IGF2BP3: variants seen among roughly 807,000 people sequenced by gnomAD.
IGF2BP3 encodes insulin-like growth factor 2 mRNA-binding protein 3.
In IGF2BP3, 9 loss-of-function variants were observed where a neutral mutation model predicts 73.8. The observed-to-expected ratio is 0.12, with a 90% CI of 0.07 to 0.21. IGF2BP3 has a LOEUF of 0.21. Among genes scored for constraint, IGF2BP3 ranks in the 10% least tolerant of loss-of-function variants. The pLI, the probability that IGF2BP3 is intolerant of heterozygous loss-of-function variation, is 1.00. For synonymous variants in IGF2BP3, 258 were observed against 256.7 expected (o/e 1.01, Z -0.05); for missense variants, 542 against 714.0 (o/e 0.76, Z 2.75).
chr7:23,360,817 T>C (rs944598091), intron 5 of IGF2BP3, among the ~76,000 whole-genome samples: 2 of 152,218 alleles, frequency 1.3e-5, no homozygotes, highest in Admixed American at 1.3e-4. Flanking sequence ...GCTTCCATAG[T>C]TAGCTAACAC....
At chr7:23,343,896 G>C (rs199979945) in intron 8 of IGF2BP3, 43 bp from the exon 9 acceptor site, 19 of 1,590,552 alleles carry the variant, frequency 1.2e-5, no homozygotes, top group East Asian at 9.0e-5. Context: ...ATGAAAATTG[G>C]AGGAAGACAG....
chr7:23,450,367 G>A (rs1788169533), intron 2 of IGF2BP3, among the ~76,000 whole-genome samples: 1 of 152,108 alleles, frequency 6.6e-6, no homozygotes, highest in African/African-American at 2.4e-5. Flanking sequence ...TTGAGTATCT[G>A]GCAGATATTT....
At chr7:23,340,351 C>T (rs1228709404) in intron 10 of IGF2BP3, among the ~76,000 whole-genome samples, 1 of 152,130 alleles carries the variant, frequency 6.6e-6, no homozygotes, top group Non-Finnish European at 1.5e-5. Flanking sequence ...CAGAAACACA[C>T]ACGGCAGGAG....
chr7:23,402,958 T>C (rs1383215941), intron 3 of IGF2BP3, among the ~76,000 whole-genome samples: 1 of 152,188 alleles, frequency 6.6e-6, no homozygotes, highest in African/African-American at 2.4e-5. Flanking sequence ...TACTAATATT[T>C]GATAGTCACA....
At chr7:23,363,956 T>G (rs1785298929) in intron 3 of IGF2BP3, among the ~76,000 whole-genome samples, 1 of 152,194 alleles carries the variant, frequency 6.6e-6, no homozygotes, top group African/African-American at 2.4e-5. Context: ...AAAACAAGGG[T>G]GGCCGGGCAC....
At chr7:23,460,477 G>A (rs578011920) in intron 2 of IGF2BP3, among the ~76,000 whole-genome samples, 73 of 150,108 alleles carry the variant, frequency 4.9e-4, no homozygotes, top group Admixed American at 1.7e-3. Flanking sequence ...GGTTGCAAGT[G>A]AGCCAAGATC....
intron 2 of IGF2BP3, among the ~76,000 whole-genome samples, chr7:23,436,842 C>T (rs985831347): frequency 6.6e-6 from 1 of 152,094 alleles, no homozygotes; most frequent in African/African-American, 2.4e-5. Flanking sequence ...TTGGCTGGGC[C>T]CGGTGGCTCA....
chr7:23,316,650 G>C (rs1344707574), intron 12 of IGF2BP3, among the ~76,000 whole-genome samples: 1 of 148,578 alleles, frequency 6.7e-6, no homozygotes, highest in Non-Finnish European at 1.5e-5. Context: ...AGTCCAGCCT[G>C]GGCGACAGAG....
At chr7:23,365,463 T>C (rs983981052) in intron 3 of IGF2BP3, among the ~76,000 whole-genome samples, 3 of 152,166 alleles carry the variant, frequency 2.0e-5, no homozygotes, top group African/African-American at 4.8e-5. Flanking sequence ...CCTACAATAA[T>C]GTCAAGGCAA....
At chr7:23,408,729 G>C (rs1786924379) in intron 3 of IGF2BP3, among the ~76,000 whole-genome samples, 2 of 152,192 alleles carry the variant, frequency 1.3e-5, no homozygotes, top group African/African-American at 4.8e-5. Context: ...ATTGAAAGCA[G>C]AGTCTCAAAG....
At chr7:23,397,982 C>G (rs11980638) in intron 3 of IGF2BP3, among the ~76,000 whole-genome samples, 7,174 of 152,224 alleles carry the variant, frequency 0.047, 541 homozygotes, top group African/African-American at 0.16. Flanking sequence ...AGAAGACAAT[C>G]TGAGGACAGA....
At chr7:23,449,560 T>TC (rs1788148020) in intron 2 of IGF2BP3, among the ~76,000 whole-genome samples, 1 of 71,834 alleles carries the variant, frequency 1.4e-5, no homozygotes, top group African/African-American at 4.5e-5. Context: ...TTTTCTTTTT[T>TC]TTTTTTTTTT....
rs1392438922 is a variant in IGF2BP3 at position 23,468,337 on chromosome 7, T to A, written c.236+145A>T. ...ATCATCAACACACACACCCCCGCCA[T>A]AAACTTAAAAGCAAGGATTAAAGAC... is the stretch of plus-strand genomic sequence containing the variant. On this transcript the variant is annotated intron_variant, in intron 2 of 14. Transcript: ENST00000258729. 23 of 819,978 alleles carry A rather than the reference T, an allele frequency of 2.8e-5. No homozygotes were observed. In the East Asian group the frequency reaches 5.3e-4, roughly 19 times the overall value. 50.8% of individuals were successfully genotyped at this position (819,978 alleles called of 1,614,324 possible). A position where few individuals can be genotyped will look rare whatever the true frequency, so the allele number is the denominator to read the frequency against.
chr7:23,347,770 C>T, intron 6 of IGF2BP3, 36 bp from the exon 7 acceptor site: 1 of 1,613,228 alleles, frequency 6.2e-7, no homozygotes, highest in Non-Finnish European at 8.5e-7. Flanking sequence ...AAAACGAGAG[C>T]AGTAAGCGTG....
At chr7:23,408,618 A>G (rs564389932) in intron 3 of IGF2BP3, among the ~76,000 whole-genome samples, 3 of 152,374 alleles carry the variant, frequency 2.0e-5, no homozygotes, top group African/African-American at 7.2e-5. Flanking sequence ...AATTAAAAAC[A>G]TAATTGCTAT....
chr7:23,371,835 A>C (rs1388510468), intron 3 of IGF2BP3, among the ~76,000 whole-genome samples: 1 of 152,150 alleles, frequency 6.6e-6, no homozygotes, highest in Non-Finnish European at 1.5e-5. Flanking sequence ...GAGTCATGTG[A>C]TCAGAGCCTC....
chr7:23,342,876 C>T (rs1373901674), intron 9 of IGF2BP3, among the ~76,000 whole-genome samples: 2 of 152,158 alleles, frequency 1.3e-5, no homozygotes, highest in African/African-American at 2.4e-5. Context: ...TGGAGCCAAG[C>T]AGTGAGAATT....
At chr7:23,353,835 T>C (rs1043565375) in intron 5 of IGF2BP3, among the ~76,000 whole-genome samples, 1 of 152,206 alleles carries the variant, frequency 6.6e-6, no homozygotes. Context: ...TGTCCCCTTT[T>C]TTTCTTAAGG....
Position 23,351,290 on chromosome 7 carries a change from A to G in IGF2BP3, c.683+15T>C. 1 of 1,612,362 alleles carries G rather than the reference A, an allele frequency of 6.2e-7. No individual in the cohort carries two copies. The highest frequency in any genetic ancestry group is 8.5e-7 in the Non-Finnish European group (1 of 1,179,392). On this transcript the variant is annotated intron_variant, in intron 6 of 14. Transcript: ENST00000258729. ...GAATTCTCATGAACACCCACCACACACTCAGCATACTCACTTAGACTGGGT... is the reference window on the plus strand; with the variant it reads ...GAATTCTCATGAACACCCACCACACGCTCAGCATACTCACTTAGACTGGGT...
Sources: allele counts gnomAD v4.1 joint callset (sites outside exome capture counted in the v4.1 genomes callset), GRCh38; gene constraint gnomAD v4.1.1; transcripts MANE v1.5; gene names NCBI Gene and HGNC (gene_info 2026-07-23, HGNC 2026-07-21).